The following DYNC1H1 variants were observed in gnomAD, a reference collection of about 807,000 sequenced individuals.
DYNC1H1 encodes cytoplasmic dynein 1 heavy chain 1.
DYNC1H1 carries 51 observed loss-of-function variants against 527.1 expected under a neutral mutation model. The observed-to-expected ratio is 0.10, with a 90% confidence interval of 0.08 to 0.12. The LOEUF (loss-of-function observed/expected upper bound fraction) is 0.12, where lower values mean the gene tolerates loss of function less well. Among genes scored for constraint, DYNC1H1 ranks in the 10% least tolerant of loss-of-function variants. The probability of loss-of-function intolerance (pLI) is 1.00; values close to 1 mark genes in which losing one functional copy is unlikely to be tolerated. For missense variants in DYNC1H1, 2,771 were observed against 5,971.8 expected (o/e 0.46, Z 17.66); for synonymous variants, 2,189 against 2,278.8 (o/e 0.96, Z 1.12).
Position 102,018,395 on chromosome 14 carries a change from C to G in DYNC1H1, c.8178-56C>G. The G allele has an allele frequency of 6.3e-7, 1 of 1,598,370 alleles. No homozygotes were observed. Among genetic ancestry groups the G allele is most frequent in the East Asian group, 2.3e-5 (1 of 44,280 alleles). On this transcript the variant is annotated intron_variant, in intron 40 of 77. Coordinates refer to ENST00000360184, the MANE Select transcript of DYNC1H1 (RefSeq NM_001376.5). This position sits in a 1 kb window ranked among gnomAD's most constrained non-coding sequence, Gnocchi z 5.2. ...CAGGGCGACTCCACTGGCACACTGC[C>G]CCTTCCTGGGAGGCGCTGTCAGGGA...
chr14:101,995,292 C>A lies in DYNC1H1; in HGVS notation c.3556C>A (p.Gln1186Lys). The A allele has an allele frequency of 6.2e-7, 1 of 1,614,184 alleles. No individual in the cohort carries two copies. The highest frequency in any genetic ancestry group is 8.5e-7 in the Non-Finnish European group (1 of 1,180,038). ...ACGGAAGATCAAGCAGTTTGAGAAG[C>A]AAGTTGAGGTGAGCTCTGTGCATAT... ...LKRKIKQFEK[Q>K]VELYRNGQRL... Residue 1186 changes from glutamine to lysine, a missense_variant, in exon 15 of 78, where the codon CAA becomes AAA. Gln to Lys is a moderately conservative substitution (Grantham distance 53, BLOSUM62 1). Transcript: ENST00000360184.
rs1208262856 is a variant in DYNC1H1, at chr14:102,041,901, C to G, written c.12103-112C>G. On this transcript the variant is annotated intron_variant, in intron 65 of 77. Transcript: ENST00000360184. The surrounding 1 kb of genome is among the most constrained non-coding windows in gnomAD (Gnocchi z 4.5). The stretch of plus-strand genomic sequence containing the variant: ...TCCTGGCTGCATGGTGCCCACACCT[C>G]TGGGCCCAGAAAGAACATCTTCTCA... 6.7e-6 allele frequency: 10 copies of G among 1,490,452 alleles called. No homozygotes were observed. Among genetic ancestry groups the G allele is most frequent in the African/African-American group, 1.4e-5 (1 of 72,010 alleles). 92.3% of individuals were successfully genotyped at this position (1,490,452 alleles called of 1,614,324 possible).
intron 25 of DYNC1H1, 46 bp downstream of exon 25, chr14:102,004,996 C>A (rs1474213229): frequency 2.5e-6 from 4 of 1,614,050 alleles, no homozygotes; most frequent in Non-Finnish European, 3.4e-6. Context: ...AAACGCAGAC[C>A]AATCTTTAAA....
chr14:102,040,215 A>G, intron 62 of DYNC1H1, 21 bp from the exon 63 acceptor site: 6 of 1,614,026 alleles, frequency 3.7e-6, no homozygotes, highest in East Asian at 2.2e-5. Context: ...GACCCTAGCT[A>G]ACCTGTTGCA....
intron 52 of DYNC1H1, 45 bp downstream of exon 52, chr14:102,032,512 GT>G (rs2048520674): frequency 2.5e-6 from 4 of 1,612,754 alleles, no homozygotes; most frequent in Non-Finnish European, 3.4e-6. Context: ...ATTGAAATCA[GT>G]TGTTCAGGCC....
At chr14:102,003,394 T>G (rs573729241) in intron 23 of DYNC1H1, among the ~76,000 whole-genome samples, 23 of 152,016 alleles carry the variant, frequency 1.5e-4, no homozygotes, top group Non-Finnish European at 2.4e-4. Context: ...CCTGAGTAAC[T>G]GGGATTACAG....
chr14:101,972,444 A>G (rs895290904), intron 1 of DYNC1H1, among the ~76,000 whole-genome samples: 2 of 152,216 alleles, frequency 1.3e-5, no homozygotes, highest in African/African-American at 4.8e-5. Context: ...GAATTTAGCA[A>G]AGCAGCAGGG....
At position 101,965,017 on chromosome 14, in the gene DYNC1H1, G is replaced by T. The variant is rs944440277; in HGVS notation, c.256+70G>T. ...GAATGCAGGGCCTGCCAGGTCCTCC[G>T]GGGTCGCAGATGTCCCCGGGATGGG... On this transcript the variant is annotated intron_variant, in intron 1 of 77. Transcript: ENST00000360184. The surrounding 1 kb of genome is among the most constrained non-coding windows in gnomAD (Gnocchi z 4.1). 20 of 1,497,714 alleles carry T rather than the reference G, an allele frequency of 1.3e-5. No homozygotes were observed. Among genetic ancestry groups the T allele is most frequent in the Non-Finnish European group, 1.7e-5 (19 of 1,112,624 alleles). 92.8% of individuals were successfully genotyped at this position (1,497,714 alleles called of 1,614,324 possible).
In DYNC1H1 at chr14:102,046,362, A is replaced by C. The variant is rs72478869; in HGVS notation, c.13007-1455A>C. Among the ~76,000 whole-genome samples the C allele has an allele frequency of 6.8e-3, 1,033 of 152,330 alleles. 14 individuals are homozygous for C. The highest frequency in any genetic ancestry group is 0.052 in the East Asian group (267 of 5,176). The stretch of plus-strand genomic sequence containing the variant: ...GCTAAGAAGACAAGAAAAGCTAAGA[A>C]GACAAGGGCATTGCTGAAACTCACA... On this transcript the variant is annotated intron_variant, in intron 72 of 77. Coordinates refer to ENST00000360184, the MANE Select transcript of DYNC1H1 (RefSeq NM_001376.5).
intron 5 of DYNC1H1, among the ~76,000 whole-genome samples, chr14:101,981,617 C>T (rs1392320901): frequency 1.3e-5 from 2 of 152,168 alleles, no homozygotes; most frequent in African/African-American, 2.4e-5. Context: ...CCCCAAAAAA[C>T]GTATGGTACC....
At position 102,044,259 on chromosome 14, in the gene DYNC1H1, C is replaced by G. The variant is rs1567023466; in HGVS notation, c.12685-15C>G. ...CCTCTGACCACACACACGAACCCTG[C>G]TTTTCCTCCCCCAGGGCAGGCAGAA... On this transcript the variant is annotated splice_polypyrimidine_tract_variant and intron_variant, in intron 70 of 77. Transcript: ENST00000360184. This position sits in a 1 kb window ranked among gnomAD's most constrained non-coding sequence, Gnocchi z 7.1. The G allele has an allele frequency of 6.2e-7, 1 of 1,613,714 alleles. No individual in the cohort carries two copies. The highest frequency in any genetic ancestry group is 8.5e-7 in the Non-Finnish European group (1 of 1,180,014).
intron 27 of DYNC1H1, 103 bp downstream of exon 27, chr14:102,006,273 C>T (rs574361088): frequency 3.3e-4 from 504 of 1,532,116 alleles, no homozygotes; most frequent in Non-Finnish European, 4.3e-4. Flanking sequence ...GAGTGTCTGT[C>T]GCCCAGGCTG....
chr14:101,991,392 G>A (rs2141278469), intron 10 of DYNC1H1, 135 bp from the exon 11 acceptor site: 1 of 1,017,710 alleles, frequency 9.8e-7, no homozygotes, highest in African/African-American at 1.6e-5. Flanking sequence ...TTGAACCCGG[G>A]AGGCGGAGGT....
In DYNC1H1 at chr14:102,002,998, A is replaced by G. The variant is rs758947841; in HGVS notation, c.4883+33A>G. 3 of 1,613,302 alleles carry G rather than the reference A, an allele frequency of 1.9e-6. No individual in the cohort carries two copies. In the East Asian group the frequency reaches 6.7e-5, roughly 36 times the overall value. The stretch of plus-strand genomic sequence containing the variant: ...CCTTGCTTTGACTTGGCCTGGAGTC[A>G]AGTTGAATTTCAGTTGTGCATTTTT... On this transcript the variant is annotated intron_variant, in intron 23 of 77. Coordinates refer to ENST00000360184, the MANE Select transcript of DYNC1H1 (RefSeq NM_001376.5). The surrounding 1 kb of genome is among the most constrained non-coding windows in gnomAD (Gnocchi z 4.4).
intron 51 of DYNC1H1, chr14:102,030,776 A>G: frequency 4.7e-6 from 1 of 211,560 alleles, no homozygotes; most frequent in South Asian, 7.4e-5. Flanking sequence ...ACAACCTGCC[A>G]TCCTGTTTTA....
At chr14:101,999,840 C>A in intron 16 of DYNC1H1, 149 bp from the exon 17 acceptor site, 1 of 1,064,788 alleles carries the variant, frequency 9.4e-7, no homozygotes, top group Non-Finnish European at 1.4e-6. Flanking sequence ...CCAAAGTGGA[C>A]ATCTTGTTGA....
chr14:102,011,279 G>T lies in DYNC1H1; in HGVS notation c.6618+327G>T. 1 of 405,052 alleles carries T rather than the reference G, an allele frequency of 2.5e-6. No individual in the cohort carries two copies. The highest frequency in any genetic ancestry group is 4.7e-6 in the Non-Finnish European group (1 of 214,574). The allele number at this position is 405,052 out of a possible 1,614,324, so 25.1% of individuals were successfully genotyped here. On this transcript the variant is annotated intron_variant, in intron 32 of 77. Transcript: ENST00000360184. This position sits in a 1 kb window ranked among gnomAD's most constrained non-coding sequence, Gnocchi z 5.3. ...GTGCCAGAGATGAACAACCTGAATC[G>T]CTGATCAATACGTAGTTTACATTCT...
chr14:101,981,508 A>T lies in DYNC1H1; in HGVS notation c.961+958A>T, dbSNP rs181924609. ...CACGTACTAGGTCTACAATGTTTGAACACGAGGCATTATTAGGCATTTCTG... is the reference window on the plus strand; with the variant it reads ...CACGTACTAGGTCTACAATGTTTGATCACGAGGCATTATTAGGCATTTCTG... On this transcript the variant is annotated intron_variant, in intron 5 of 77. Transcript: ENST00000360184. Among the ~76,000 whole-genome samples, 231 of 152,338 alleles carry T rather than the reference A, an allele frequency of 1.5e-3. 1 individual carries two copies. Among genetic ancestry groups the T allele is most frequent in the African/African-American group, 5.2e-3 (218 of 41,582 alleles).
At position 102,017,619 on chromosome 14, in the gene DYNC1H1, T is replaced by C. The variant is rs878968936; in HGVS notation, c.8177+115T>C. 1.2e-5 allele frequency: 18 copies of C among 1,561,970 alleles called. No homozygotes were observed. Among genetic ancestry groups the C allele is most frequent in the Middle Eastern group, 2.0e-4 (1 of 5,122 alleles). ...ATAAAGACAACAATACTGCTTATTG[T>C]GGATTCCTCTTGGGTTACTTCTCTG... On this transcript the variant is annotated intron_variant, in intron 40 of 77. Transcript: ENST00000360184. The surrounding 1 kb of genome is among the most constrained non-coding windows in gnomAD (Gnocchi z 4.6).
Sources: gnomAD v4.1 joint callset for allele counts (sites outside exome capture counted in the v4.1 genomes callset) on GRCh38, gnomAD v4.1.1 for gene constraint, Gnocchi (gnomAD v3.1) non-coding constraint, MANE v1.5 for transcripts, NCBI Gene and HGNC (gene_info 2026-07-23, HGNC 2026-07-21) for gene names.